PCDHA6: variants seen among roughly 807,000 people sequenced by gnomAD.
PCDHA6 encodes the protein protocadherin alpha 6.
Under a neutral mutation model 60.3 loss-of-function variants are expected in PCDHA6, and 55 were observed. The observed-to-expected ratio is 0.91, with a 90% confidence interval of 0.73 to 1.14. The LOEUF (loss-of-function observed/expected upper bound fraction) is 1.14. PCDHA6 is among the 50% of genes most tolerant of loss of function. PCDHA6 has a pLI of 0.00. For missense variants in PCDHA6, 1,327 were observed against 1,256.5 expected, an observed-to-expected ratio of 1.06 and a Z score of -0.85; for synonymous variants, 652 against 557.9, an observed-to-expected ratio of 1.17 and a Z score of -2.38.
chr5:140,828,284 A>G lies in PCDHA6; in HGVS notation c.193A>G (p.Arg65Gly), dbSNP rs2150153622. 1.2e-6 allele frequency: 2 copies of G among 1,614,076 alleles called. No homozygotes were observed. The highest frequency in any genetic ancestry group is 2.7e-5 in the African/African-American group (2 of 75,042). ...ELAELVPRLF[R>G]MASKDREDLL... ...GGCGGAGCTGGTGCCGCGCCTGTTC[A>G]GGATGGCCTCCAAAGACCGCGAGGA... Residue 65 changes from arginine to glycine, a missense_variant, in exon 1 of 4, where the codon AGG becomes GGG. Arg to Gly is a moderately radical substitution (Grantham distance 125). Coordinates refer to ENST00000529310, the MANE Select transcript of PCDHA6 (RefSeq NM_018909.4).
intron 1 of PCDHA6, among the ~76,000 whole-genome samples, chr5:140,921,828 A>C (rs1209455799): frequency 6.6e-6 from 1 of 152,126 alleles, no homozygotes; most frequent in Non-Finnish European, 1.5e-5. Flanking sequence ...ATATCTATAC[A>C]CATATAGACA....
intron 1 of PCDHA6, among the ~76,000 whole-genome samples, chr5:140,933,309 A>G (rs183796217): frequency 4.7e-4 from 72 of 152,092 alleles, no homozygotes; most frequent in Middle Eastern, 6.8e-3. Context: ...TAAATATGCA[A>G]TCTCGTATTC....
intron 1 of PCDHA6, among the ~76,000 whole-genome samples, chr5:140,844,781 G>A (rs1779544851): frequency 6.7e-6 from 1 of 149,070 alleles, no homozygotes; most frequent in African/African-American, 2.5e-5. Context: ...CTTTATTTTG[G>A]TATCTTTCAA....
Position 140,877,183 on chromosome 5 carries a change from G to A in PCDHA6, c.2394+46698G>A, listed in dbSNP as rs201399892. 787 of 1,613,846 alleles carry A rather than the reference G, an allele frequency of 4.9e-4. 5 individuals are homozygous for A. The African/African-American group carries it at 9.2e-3, about 19-fold the overall frequency. ...GCCGGCACTGCTGGCGACTCCGGCT[G>A]GCAGCGCAGGAGGCGCAGTTAGCGA... On this transcript the variant is annotated intron_variant, in intron 1 of 3. Transcript: ENST00000529310.
chr5:140,922,326 G>A (rs2080778185), intron 1 of PCDHA6, among the ~76,000 whole-genome samples: 1 of 152,212 alleles, frequency 6.6e-6, no homozygotes, highest in Admixed American at 6.5e-5. Context: ...ATCTTGGAAA[G>A]GGTTGGTATA....
At chr5:140,884,130 C>A in intron 1 of PCDHA6, 1 of 1,613,434 alleles carries the variant, frequency 6.2e-7, no homozygotes, top group South Asian at 1.1e-5. Context: ...GCGCGCATCC[C>A]GTTCCGCGTG....
chr5:140,873,464 T>C (rs904556302), intron 1 of PCDHA6, among the ~76,000 whole-genome samples: 1 of 152,214 alleles, frequency 6.6e-6, no homozygotes, highest in Non-Finnish European at 1.5e-5. Context: ...TTTTAGATAA[T>C]TCAAATTACT....
intron 1 of PCDHA6, chr5:140,928,142 C>T (rs2084978114): frequency 1.9e-6 from 3 of 1,614,170 alleles, no homozygotes; most frequent in East Asian, 2.2e-5. Flanking sequence ...CTGATCACGG[C>T]CTCAGATAGT....
At chr5:140,912,061 C>T (rs1321149990) in intron 1 of PCDHA6, among the ~76,000 whole-genome samples, 2 of 152,162 alleles carry the variant, frequency 1.3e-5, no homozygotes, top group Non-Finnish European at 2.9e-5. Context: ...AACTTGGAGT[C>T]CAATGTTCAA....
At chr5:140,876,581 C>A in intron 1 of PCDHA6, 2 of 1,614,200 alleles carry the variant, frequency 1.2e-6, no homozygotes, top group Non-Finnish European at 1.7e-6. Flanking sequence ...ACCGTCATTG[C>A]CCTGATTAGC....
intron 1 of PCDHA6, among the ~76,000 whole-genome samples, chr5:140,872,108 A>G (rs980071264): frequency 1.3e-5 from 2 of 152,072 alleles, no homozygotes; most frequent in African/African-American, 4.8e-5. Context: ...TGGCTTTCCT[A>G]ACTTCAGGCT....
chr5:140,854,159 C>CAAAAA (rs59855104), intron 1 of PCDHA6: 4,589 of 339,800 alleles, frequency 0.014, 33 homozygotes, highest in Middle Eastern at 0.024. Flanking sequence ...GATTCTGTCT[C>CAAAAA]AAAAAAAAAA....
At chr5:140,921,367 T>C (rs1165325497) in intron 1 of PCDHA6, among the ~76,000 whole-genome samples, 1 of 152,182 alleles carries the variant, frequency 6.6e-6, no homozygotes, top group African/African-American at 2.4e-5. Context: ...TCAAGTTTCA[T>C]ATTTCTACAT....
intron 3 of PCDHA6, among the ~76,000 whole-genome samples, chr5:140,986,408 C>G (rs1587158509): frequency 6.6e-6 from 1 of 152,176 alleles, no homozygotes; most frequent in East Asian, 1.9e-4. Context: ...GCTCATGTTA[C>G]AGCTCTTTTT....
At chr5:140,927,303 G>A (rs1554204320) in intron 1 of PCDHA6, 69 of 1,614,150 alleles carry the variant, frequency 4.3e-5, no homozygotes, top group Non-Finnish European at 5.7e-5. Context: ...CCGAGTTCCT[G>A]ACGCCCGGAG....
chr5:140,940,770 T>A (rs560965178), intron 1 of PCDHA6, among the ~76,000 whole-genome samples: 5 of 152,270 alleles, frequency 3.3e-5, no homozygotes, highest in Non-Finnish European at 7.3e-5. Context: ...ATTTGACTTT[T>A]GATGGTCCAT....
chr5:140,947,347 G>A (rs1554218167), intron 1 of PCDHA6, among the ~76,000 whole-genome samples: 1 of 151,534 alleles, frequency 6.6e-6, no homozygotes, highest in Non-Finnish European at 1.5e-5. Context: ...CTTAATTCTG[G>A]ACTCTATTTC....
At chr5:140,911,589 C>A (rs1583792136) in intron 1 of PCDHA6, among the ~76,000 whole-genome samples, 1 of 152,302 alleles carries the variant, frequency 6.6e-6, no homozygotes, top group Middle Eastern at 3.4e-3. Flanking sequence ...TTAGGAGGAA[C>A]CAACCAACTT....
intron 1 of PCDHA6, chr5:140,856,750 C>G (rs1554149043): frequency 6.3e-7 from 1 of 1,596,268 alleles, no homozygotes; most frequent in African/African-American, 1.3e-5. Context: ...TGTTAGATGC[C>G]AATGATAACG....
Sources: allele counts gnomAD v4.1 joint callset (sites outside exome capture counted in the v4.1 genomes callset), GRCh38; gene constraint gnomAD v4.1.1; transcripts MANE v1.5; gene names NCBI Gene and HGNC (gene_info 2026-07-23, HGNC 2026-07-21).